The following CDH13 variants were observed in gnomAD, a reference collection of about 807,000 sequenced individuals.
CDH13 encodes cadherin 13, also known as cadherin-13.
Under a neutral mutation model 63.8 loss-of-function variants are expected in CDH13, and 24 were observed. That is an observed-to-expected ratio of 0.38 (90% CI 0.27 to 0.53). CDH13 has a LOEUF of 0.53. Ranked by LOEUF, CDH13 falls within the 20% of genes least tolerant of loss-of-function variation. CDH13 has a pLI of 0.85. For missense variants in CDH13, 1,049 were observed against 903.1 expected, an observed-to-expected ratio of 1.16 and a Z score of -2.07; for synonymous variants, 503 against 355.3, an observed-to-expected ratio of 1.42 and a Z score of -4.67.
intron 6 of CDH13, among the ~76,000 whole-genome samples, chr16:83,456,459 C>T (rs754149266): frequency 2.6e-5 from 4 of 152,176 alleles, no homozygotes; most frequent in African/African-American, 4.8e-5. Context: ...TGAAAGACGT[C>T]ATGACAGTAG....
chr16:83,487,033 A>G (rs1362612918), intron 7 of CDH13, among the ~76,000 whole-genome samples: 2 of 152,164 alleles, frequency 1.3e-5, no homozygotes, highest in Admixed American at 6.5e-5. Context: ...ATCCAAGATC[A>G]CACAGGCTGT....
At position 83,014,766 on chromosome 16, in the gene CDH13, A is replaced by G. The variant is rs796194664; in HGVS notation, c.158-17244A>G. On this transcript the variant is annotated intron_variant, in intron 2 of 13. Coordinates refer to ENST00000567109, the MANE Select transcript of CDH13 (RefSeq NM_001257.5). ...AAAATATATATATATATATATATAT[A>G]TATATATATGTATATATATATATTT... Among the ~76,000 whole-genome samples the G allele has an allele frequency of 3.1e-4, 16 of 51,484 alleles. 3 individuals carry two copies. The highest frequency in any genetic ancestry group is 8.2e-4 in the Admixed American group (3 of 3,680). The allele number at this position is 51,484 out of a possible 152,430, so 33.8% of individuals were successfully genotyped here.
intron 7 of CDH13, among the ~76,000 whole-genome samples, chr16:83,557,501 A>T (rs967538069): frequency 6.6e-6 from 1 of 152,166 alleles, no homozygotes; most frequent in African/African-American, 2.4e-5. Context: ...ATGTTACATT[A>T]TATGTACTAT....
chr16:83,699,077 A>C lies in CDH13; in HGVS notation c.1538+20616A>C, dbSNP rs964529297. Reference sequence around the variant, plus strand: ...AATCTCATCCAGTGGTTTCCTCTCAACATCTTGTGTAGTGCCTGCCCCGTG... The same window carrying C: ...AATCTCATCCAGTGGTTTCCTCTCACCATCTTGTGTAGTGCCTGCCCCGTG... On this transcript the variant is annotated intron_variant, in intron 10 of 13. Transcript: ENST00000567109. 1.2e-4 allele frequency among the ~76,000 whole-genome samples: 18 copies of C among 152,286 alleles called. 2 individuals carry two copies. The highest frequency in any genetic ancestry group is 9.1e-4 in the Admixed American group (14 of 15,306).
At chr16:83,481,735 AG>A (rs1219167705) in intron 6 of CDH13, among the ~76,000 whole-genome samples, 1 of 152,172 alleles carries the variant, frequency 6.6e-6, no homozygotes, top group East Asian at 1.9e-4. Flanking sequence ...AGGGAGTGAC[AG>A]GGTGATTATA....
chr16:83,133,935 T>C (rs1299202086), intron 4 of CDH13, among the ~76,000 whole-genome samples: 1 of 152,240 alleles, frequency 6.6e-6, no homozygotes. Context: ...GGACAGGGCC[T>C]AACACAGAGT....
rs535904195 is a variant in CDH13, at chr16:82,828,576, C to T, written c.46-29786C>T. Among the ~76,000 whole-genome samples, 171 of 151,920 alleles carry T rather than the reference C, an allele frequency of 1.1e-3. 1 individual carries two copies. The highest frequency in any genetic ancestry group is 3.2e-3 in the Middle Eastern group (1 of 316). On this transcript the variant is annotated intron_variant, in intron 1 of 13. Transcript: ENST00000567109. The stretch of plus-strand genomic sequence containing the variant: ...CGGGAGGCAGAGGTTGCAGTGAGAT[C>T]ACACCACTGCACTCCAGCCTGGGCA...
intron 2 of CDH13, among the ~76,000 whole-genome samples, chr16:83,020,598 T>C (rs1359712556): frequency 6.6e-6 from 1 of 152,236 alleles, no homozygotes; most frequent in Non-Finnish European, 1.5e-5. Flanking sequence ...ACCTAAGTTG[T>C]CTGTGGTTTG....
chr16:82,686,254 C>T (rs947991910), intron 1 of CDH13, among the ~76,000 whole-genome samples: 3 of 152,206 alleles, frequency 2.0e-5, no homozygotes, highest in African/African-American at 4.8e-5. Flanking sequence ...TCAGGACTTT[C>T]CTGTTGAAAC....
chr16:83,673,725 T>C (rs1914713199), intron 9 of CDH13, among the ~76,000 whole-genome samples: 1 of 152,192 alleles, frequency 6.6e-6, no homozygotes, highest in Non-Finnish European at 1.5e-5. Context: ...AAAATGCAGA[T>C]TTCTGGGCTT....
chr16:83,203,136 A>G (rs1057127107), intron 4 of CDH13, among the ~76,000 whole-genome samples: 3 of 152,158 alleles, frequency 2.0e-5, no homozygotes, highest in Non-Finnish European at 2.9e-5. Flanking sequence ...AGGCAGGAGA[A>G]TTGCTTGAAC....
At chr16:83,685,921 T>A (rs1032845110) in intron 10 of CDH13, among the ~76,000 whole-genome samples, 2 of 152,206 alleles carry the variant, frequency 1.3e-5, no homozygotes, top group African/African-American at 4.8e-5. Flanking sequence ...GTTTTGAGAA[T>A]GATGGTAATA....
chr16:83,706,428 G>C (rs6563972), intron 10 of CDH13, among the ~76,000 whole-genome samples: 1 of 151,956 alleles, frequency 6.6e-6, no homozygotes, highest in Non-Finnish European at 1.5e-5. Context: ...AGAAATATTA[G>C]CATGGCCATT....
chr16:82,966,566 A>G (rs554282787), intron 2 of CDH13, among the ~76,000 whole-genome samples: 25 of 152,360 alleles, frequency 1.6e-4, no homozygotes, highest in African/African-American at 5.1e-4. Flanking sequence ...CTCTGATTCT[A>G]GAGCCTTTGT....
At chr16:83,015,794 C>T (rs756852935) in intron 2 of CDH13, among the ~76,000 whole-genome samples, 2 of 144,806 alleles carry the variant, frequency 1.4e-5, no homozygotes, top group Non-Finnish European at 3.0e-5. Flanking sequence ...AGAACATTTC[C>T]AAACACATGG....
chr16:83,481,089 A>G (rs116115296), intron 6 of CDH13, among the ~76,000 whole-genome samples: 1 of 152,166 alleles, frequency 6.6e-6, no homozygotes, highest in Non-Finnish European at 1.5e-5. Flanking sequence ...CTTGACAACG[A>G]TGTGCCATTT....
intron 6 of CDH13, among the ~76,000 whole-genome samples, chr16:83,374,305 G>C (rs1277206023): frequency 2.6e-5 from 4 of 152,196 alleles, no homozygotes; most frequent in African/African-American, 9.7e-5. Flanking sequence ...TATTGTAAAT[G>C]AATAACCATG....
intron 2 of CDH13, among the ~76,000 whole-genome samples, chr16:82,974,422 T>A (rs1909210302): frequency 6.6e-6 from 1 of 152,152 alleles, no homozygotes; most frequent in African/African-American, 2.4e-5. Flanking sequence ...ACGATTCACA[T>A]GCAGATGGGT....
intron 3 of CDH13, among the ~76,000 whole-genome samples, chr16:83,045,399 G>T (rs1917684221): frequency 6.6e-6 from 1 of 152,054 alleles, no homozygotes; most frequent in African/African-American, 2.4e-5. Flanking sequence ...AGCACTTTGG[G>T]AGACTGAGGC....
Sources: gnomAD v4.1 joint callset for allele counts (sites outside exome capture counted in the v4.1 genomes callset) on GRCh38, gnomAD v4.1.1 for gene constraint, MANE v1.5 for transcripts, NCBI Gene and HGNC (gene_info 2026-07-23, HGNC 2026-07-21) for gene names.